The following PDE11A variants were observed in gnomAD, a reference collection of about 807,000 sequenced individuals.
PDE11A encodes the protein phosphodiesterase 11A.
PDE11A carries 100 observed loss-of-function variants against 100.5 expected under a neutral mutation model. The ratio of observed to expected loss-of-function variants is 1.00; its 90% CI spans 0.85 to 1.18. The LOEUF (loss-of-function observed/expected upper bound fraction) is 1.18, where lower values mean the gene tolerates loss of function less well. Ranked by LOEUF, PDE11A falls within the 50% of genes most tolerant of loss-of-function variation. The pLI is 0.00. For synonymous variants in PDE11A, 381 were observed against 420.8 expected, an observed-to-expected ratio of 0.91 and a Z score of 1.16; for missense variants, 1,141 against 1,152.6, an observed-to-expected ratio of 0.99 and a Z score of 0.15.
At position 177,921,169 on chromosome 2, in the gene PDE11A, C is replaced by T. The variant is rs577161909; in HGVS notation, c.1072-15982G>A. ...TTTAAATTGACAATATCCCAAACAT[C>T]GCAAGATCCAGAAACGTAGCATATT... On this transcript the variant is annotated intron_variant, in intron 2 of 19. Coordinates refer to ENST00000286063, the MANE Select transcript of PDE11A (RefSeq NM_016953.4). 1.5e-4 allele frequency among the ~76,000 whole-genome samples: 23 copies of T among 150,014 alleles called. No homozygotes were observed. In the East Asian group the frequency reaches 1.8e-3, roughly 11 times the overall value.
At chr2:177,705,978 G>C (rs183465530) in intron 13 of PDE11A, among the ~76,000 whole-genome samples, 2 of 151,994 alleles carry the variant, frequency 1.3e-5, no homozygotes, top group African/African-American at 4.8e-5. Context: ...AGGATGAGTG[G>C]GGAACGCTGT....
chr2:177,788,363 A>C (rs1370820074), intron 9 of PDE11A, among the ~76,000 whole-genome samples: 1 of 147,868 alleles, frequency 6.8e-6, no homozygotes, highest in Non-Finnish European at 1.5e-5. Context: ...ACCACATACC[A>C]GAATCTCTGG....
At position 177,689,594 on chromosome 2, in the gene PDE11A, A is replaced by G. The variant is rs1179520268; in HGVS notation, c.2345+7738T>C. The stretch of plus-strand genomic sequence containing the variant: ...TTGAAGAGGAATAGAAAATTAATAT[A>G]CAGATGTTAACTCCAGTTATTATGA... On this transcript the variant is annotated intron_variant, in intron 15 of 19. Transcript: ENST00000286063. 2.0e-5 allele frequency among the ~76,000 whole-genome samples: 3 copies of G among 152,200 alleles called. No individual in the cohort carries two copies. In the East Asian group the frequency reaches 5.8e-4, roughly 29 times the overall value.
chr2:177,968,812 T>G (rs1178757577), intron 2 of PDE11A, among the ~76,000 whole-genome samples: 1 of 152,218 alleles, frequency 6.6e-6, no homozygotes, highest in African/African-American at 2.4e-5. Flanking sequence ...ACTTGTACAC[T>G]GTTGGTGGGA....
At chr2:177,885,237 T>C (rs948226494) in intron 4 of PDE11A, among the ~76,000 whole-genome samples, 2 of 150,942 alleles carry the variant, frequency 1.3e-5, no homozygotes, top group Non-Finnish European at 3.0e-5. Context: ...TATAGTACTA[T>C]ATATGCACAT....
chr2:177,655,607 T>C (rs1371375816), intron 19 of PDE11A, among the ~76,000 whole-genome samples: 1 of 152,064 alleles, frequency 6.6e-6, no homozygotes, highest in Non-Finnish European at 1.5e-5. Flanking sequence ...GTTGCAATCA[T>C]AGCTCACTTC....
chr2:178,081,579 C>T (rs1427684764), intron 2 of PDE11A, among the ~76,000 whole-genome samples: 2 of 152,138 alleles, frequency 1.3e-5, no homozygotes, highest in African/African-American at 2.4e-5. Flanking sequence ...ATTCTTTCAC[C>T]CATCTCTTCA....
chr2:177,818,657 C>T (rs1363295709), intron 7 of PDE11A, among the ~76,000 whole-genome samples: 3 of 152,074 alleles, frequency 2.0e-5, no homozygotes, highest in African/African-American at 7.2e-5. Flanking sequence ...AGTTAACCTT[C>T]AAAGCAAAGT....
chr2:178,094,822 T>C (rs988560785), intron 2 of PDE11A, among the ~76,000 whole-genome samples: 9 of 152,136 alleles, frequency 5.9e-5, no homozygotes, highest in Non-Finnish European at 1.2e-4. Flanking sequence ...AGCACCTTCT[T>C]CATAAGGCAG....
intron 2 of PDE11A, chr2:177,998,011 T>C: frequency 9.7e-6 from 12 of 1,232,094 alleles, no homozygotes; most frequent in South Asian, 9.6e-5. Context: ...CCTTGTGGAA[T>C]GGACAGTTTT....
intron 7 of PDE11A, among the ~76,000 whole-genome samples, chr2:177,819,843 C>A (rs977502270): frequency 9.2e-6 from 1 of 109,026 alleles, no homozygotes. Flanking sequence ...TTCTTGAAGT[C>A]ATTTCTCTTT....
intron 19 of PDE11A, among the ~76,000 whole-genome samples, chr2:177,658,041 G>A (rs2080416557): frequency 6.6e-6 from 1 of 152,166 alleles, no homozygotes; most frequent in African/African-American, 2.4e-5. Context: ...CTGGTGGCCA[G>A]GGCTGGCACA....
At chr2:177,752,479 T>C (rs924451020) in intron 10 of PDE11A, among the ~76,000 whole-genome samples, 3 of 152,196 alleles carry the variant, frequency 2.0e-5, no homozygotes. Context: ...ATAACATTTG[T>C]CTCATAGAGT....
intron 19 of PDE11A, among the ~76,000 whole-genome samples, chr2:177,631,291 CA>C (rs869059416): frequency 7.6e-4 from 9 of 11,858 alleles, no homozygotes; most frequent in East Asian, 4.7e-3. Context: ...ACTAAAAATG[CA>C]AAAAAAAAAA....
chr2:177,772,173 T>C (rs2082320721), intron 9 of PDE11A, among the ~76,000 whole-genome samples: 1 of 152,160 alleles, frequency 6.6e-6, no homozygotes, highest in Non-Finnish European at 1.5e-5. Flanking sequence ...CTTTTTTATC[T>C]TTGGGAGGGG....
intron 10 of PDE11A, among the ~76,000 whole-genome samples, chr2:177,752,486 G>A (rs1420337549): frequency 6.6e-6 from 1 of 152,176 alleles, no homozygotes; most frequent in Admixed American, 6.5e-5. Flanking sequence ...TTGTCTCATA[G>A]AGTTGTGAAT....
At position 177,871,488 on chromosome 2, in the gene PDE11A, T is replaced by G. The variant is rs1010136329; in HGVS notation, c.1367+4371A>C. Among the ~76,000 whole-genome samples the G allele has an allele frequency of 2.0e-5, 3 of 151,640 alleles. No homozygotes were observed. The East Asian group carries it at 5.8e-4, about 29-fold the overall frequency. ...GTCATGGCCAGAGGGAGAGGATTTATGGGTGGTCACTTGGAAGAAATGATG... is the reference window on the plus strand; with the variant it reads ...GTCATGGCCAGAGGGAGAGGATTTAGGGGTGGTCACTTGGAAGAAATGATG... On this transcript the variant is annotated intron_variant, in intron 5 of 19. Coordinates refer to ENST00000286063, the MANE Select transcript of PDE11A (RefSeq NM_016953.4).
intron 15 of PDE11A, among the ~76,000 whole-genome samples, chr2:177,689,862 A>G (rs2081017197): frequency 6.6e-6 from 1 of 152,202 alleles, no homozygotes; most frequent in South Asian, 2.1e-4. Flanking sequence ...TTCAAACCAC[A>G]ATCACCAGGC....
intron 9 of PDE11A, among the ~76,000 whole-genome samples, chr2:177,787,816 T>C (rs62184502): frequency 2.0e-5 from 3 of 152,036 alleles, no homozygotes; most frequent in Non-Finnish European, 4.4e-5. Context: ...GGTAAAGGGA[T>C]CAATTCAACA....
Sources: gnomAD v4.1 joint callset for allele counts (sites outside exome capture counted in the v4.1 genomes callset) on GRCh38, gnomAD v4.1.1 for gene constraint, MANE v1.5 for transcripts, NCBI Gene and HGNC (gene_info 2026-07-23, HGNC 2026-07-21) for gene names.